PDZD2: variants seen among roughly 807,000 people sequenced by gnomAD.
PDZD2 encodes PDZ domain containing 2.
A neutral mutation model predicts 220.7 loss-of-function variants in PDZD2; 90 were observed. The observed-to-expected ratio is 0.41, with a 90% CI of 0.34 to 0.49. The LOEUF is 0.49. Ranked by LOEUF, PDZD2 falls within the 20% of genes least tolerant of loss-of-function variation. The pLI, the probability that PDZD2 is intolerant of heterozygous loss-of-function variation, is 0.28. For missense variants in PDZD2, 3,174 were observed against 3,608.5 expected, an observed-to-expected ratio of 0.88 and a Z score of 3.08; for synonymous variants, 1,375 against 1,450.5, an observed-to-expected ratio of 0.95 and a Z score of 1.18.
At chr5:31,648,364 T>C (rs1441826821) in intron 1 of PDZD2, among the ~76,000 whole-genome samples, 1 of 152,202 alleles carries the variant, frequency 6.6e-6, no homozygotes, top group Non-Finnish European at 1.5e-5. Context: ...AAGCTAGTTC[T>C]TTCCTTCTCC....
At chr5:31,887,540 A>G (rs1018130459) in intron 2 of PDZD2, among the ~76,000 whole-genome samples, 1 of 152,170 alleles carries the variant, frequency 6.6e-6, no homozygotes, top group Non-Finnish European at 1.5e-5. Context: ...CTTTTCCAAT[A>G]GGAACCATTT....
intron 1 of PDZD2, among the ~76,000 whole-genome samples, chr5:31,721,839 C>T (rs929484796): frequency 2.0e-5 from 3 of 152,014 alleles, no homozygotes; most frequent in African/African-American, 7.2e-5. Context: ...ATTTTAATGG[C>T]GGAGATCGGT....
chr5:32,082,607 A>C (rs1388340771), intron 19 of PDZD2, among the ~76,000 whole-genome samples: 1 of 152,128 alleles, frequency 6.6e-6, no homozygotes, highest in African/African-American at 2.4e-5. Flanking sequence ...CTGGTACCTA[A>C]TATGTTGAAT....
At chr5:31,846,306 T>G (rs1231552904) in intron 2 of PDZD2, among the ~76,000 whole-genome samples, 1 of 152,178 alleles carries the variant, frequency 6.6e-6, no homozygotes, top group Non-Finnish European at 1.5e-5. Flanking sequence ...GCTAATTTTT[T>G]GTATTTTTAG....
intron 1 of PDZD2, among the ~76,000 whole-genome samples, chr5:31,727,505 C>T (rs1479478409): frequency 6.8e-6 from 1 of 146,222 alleles, no homozygotes; most frequent in African/African-American, 2.6e-5. Context: ...TGAGACCAGC[C>T]ATGGTCAACA....
At position 32,010,546 on chromosome 5, in the gene PDZD2, G is replaced by C. The variant is rs1049780500; in HGVS notation, c.1407+64G>C. ...CTTTTTTCTGAAGTCCTGGGCGCCA[G>C]GATTAGGGGATAAATGCTTGAGATA... is the stretch of plus-strand genomic sequence containing the variant. On this transcript the variant is annotated intron_variant, in intron 6 of 24. Coordinates refer to ENST00000438447, the MANE Select transcript of PDZD2 (RefSeq NM_178140.4). 4.5e-6 allele frequency: 5 copies of C among 1,106,358 alleles called. No individual in the cohort carries two copies. In the African/African-American group the frequency reaches 7.7e-5, roughly 17 times the overall value. The allele number at this position is 1,106,358 out of a possible 1,614,324, so 68.5% of individuals were successfully genotyped here.
intron 22 of PDZD2, among the ~76,000 whole-genome samples, chr5:32,097,599 A>C (rs1489477991): frequency 6.6e-6 from 1 of 152,228 alleles, no homozygotes; most frequent in Non-Finnish European, 1.5e-5. Context: ...GGCCATTTCC[A>C]ATCCCTATAA....
chr5:31,697,899 T>C (rs71627320), intron 1 of PDZD2, among the ~76,000 whole-genome samples: 5,434 of 52,576 alleles, frequency 0.1, 117 homozygotes, highest in Middle Eastern at 0.14. Flanking sequence ...TTATTATTAT[T>C]ATCATTTTTT....
chr5:31,880,800 T>TTTTTTC, intron 2 of PDZD2, among the ~76,000 whole-genome samples: 1 of 124,070 alleles, frequency 8.1e-6, no homozygotes, highest in African/African-American at 3.4e-5. Flanking sequence ...TCTTTTTTTT[T>TTTTTTC]TTTTTTTTTT....
At chr5:31,824,432 CT>C (rs1379770729) in intron 2 of PDZD2, among the ~76,000 whole-genome samples, 2 of 152,292 alleles carry the variant, frequency 1.3e-5, no homozygotes, top group East Asian at 3.9e-4. Flanking sequence ...TCTTGCCTTC[CT>C]TAACCAGATT....
chr5:31,646,244 G>A lies in PDZD2; in HGVS notation c.-361+6807G>A, dbSNP rs1220437645. Among the ~76,000 whole-genome samples the A allele has an allele frequency of 1.3e-5, 2 of 152,148 alleles. No individual in the cohort carries two copies. Among genetic ancestry groups the A allele is most frequent in the Non-Finnish European group, 2.9e-5 (2 of 68,044 alleles). The stretch of plus-strand genomic sequence containing the variant: ...AGTATTCCAGAAGACTCTGTTTCTG[G>A]AGACTGGAGAGGCAAGTGTATTTTG... On this transcript the variant is annotated intron_variant, in intron 1 of 24. Coordinates refer to ENST00000438447, the MANE Select transcript of PDZD2 (RefSeq NM_178140.4). The surrounding 1 kb of genome is among the most constrained non-coding windows in gnomAD (Gnocchi z 4.7).
chr5:32,010,359 A>T lies in PDZD2; in HGVS notation c.1284A>T (p.Leu428Phe). The change falls in exon 6 of 25, where the codon TTA becomes TTT. Residue 428 changes from leucine to phenylalanine, a missense_variant. Leu to Phe is a conservative substitution (Grantham distance 22). Coordinates refer to ENST00000438447, the MANE Select transcript of PDZD2 (RefSeq NM_178140.4). ...ACTCCGCAGAGGACCTCCTCAGGTT[A>T]ACATCTAAGAGCTTGCCAGATCTGA... ...KENSAEDLLR[L>F]TSKSLPDLTS... 1 of 1,609,196 alleles carries T rather than the reference A, an allele frequency of 6.2e-7. No homozygotes were observed.
chr5:31,901,649 T>A (rs527978755), intron 2 of PDZD2, among the ~76,000 whole-genome samples: 110 of 152,290 alleles, frequency 7.2e-4, no homozygotes, highest in South Asian at 1.5e-3. Context: ...GCATTTAAAA[T>A]TTACAATAAA....
At position 31,995,590 on chromosome 5, in the gene PDZD2, A is replaced by G; in HGVS notation, c.993A>G (p.Arg331=). Residue 331 remains arginine (R), a synonymous_variant, in exon 4 of 25, where the codon CGA becomes CGG. Coordinates refer to ENST00000438447, the MANE Select transcript of PDZD2 (RefSeq NM_178140.4). The part of the protein sequence containing the change: ...SDCLAREEVG[R]IWKMELLKES... ...TTTCTTCCAAGGAGGAAGTTGGCCG[A>G]ATATGGAAGATGGAGCTGCTCAAAG... 1 of 1,614,166 alleles carries G rather than the reference A, an allele frequency of 6.2e-7. No homozygotes were observed. The highest frequency in any genetic ancestry group is 8.5e-7 in the Non-Finnish European group (1 of 1,180,008).
rs150291515 is a variant in PDZD2, at chr5:31,643,093, C to T, written c.-361+3656C>T. On this transcript the variant is annotated intron_variant, in intron 1 of 24. Coordinates refer to ENST00000438447, the MANE Select transcript of PDZD2 (RefSeq NM_178140.4). The stretch of plus-strand genomic sequence containing the variant: ...TCACAGGGTTGTTCTTAGGAGGAAT[C>T]GAAAGAGGTACTAAGGTGTGTTTGG... Among the ~76,000 whole-genome samples the T allele has an allele frequency of 5.4e-3, 823 of 152,264 alleles. 13 individuals are homozygous for T. Among genetic ancestry groups the T allele is most frequent in the African/African-American group, 0.019 (794 of 41,554 alleles).
intron 2 of PDZD2, among the ~76,000 whole-genome samples, chr5:31,968,429 G>T (rs1748960828): frequency 6.6e-6 from 1 of 152,020 alleles, no homozygotes; most frequent in African/African-American, 2.4e-5. Context: ...TGAGGTGGGT[G>T]GATCTCCTGA....
intron 2 of PDZD2, among the ~76,000 whole-genome samples, chr5:31,940,328 C>T (rs1043939475): frequency 9.2e-5 from 14 of 152,282 alleles, no homozygotes; most frequent in Admixed American, 2.0e-4. Flanking sequence ...CTTCGTTAAG[C>T]ACATGGGTGC....
intron 1 of PDZD2, among the ~76,000 whole-genome samples, chr5:31,652,065 T>C (rs939829814): frequency 2.0e-5 from 3 of 150,222 alleles, no homozygotes; most frequent in Non-Finnish European, 4.4e-5. Flanking sequence ...ACTCCCGACC[T>C]TGTGATCCGC....
At chr5:32,100,861 G>T (rs1744189034) in intron 23 of PDZD2, 1 of 1,553,686 alleles carries the variant, frequency 6.4e-7, no homozygotes, top group African/African-American at 1.3e-5. Context: ...AATGCTTGCA[G>T]AAAACACAGA....
Sources: gnomAD v4.1 joint callset for allele counts (sites outside exome capture counted in the v4.1 genomes callset) on GRCh38, gnomAD v4.1.1 for gene constraint, Gnocchi (gnomAD v3.1) non-coding constraint, MANE v1.5 for transcripts, NCBI Gene and HGNC (gene_info 2026-07-23, HGNC 2026-07-21) for gene names.